SEMA3E: variants seen among roughly 807,000 people sequenced by gnomAD.
The protein encoded by SEMA3E is semaphorin-3E.
In SEMA3E, 49 loss-of-function variants were observed where a neutral mutation model predicts 93.6. The ratio of observed to expected loss-of-function variants is 0.52; its 90% CI spans 0.42 to 0.66. The LOEUF (loss-of-function observed/expected upper bound fraction) is 0.66. SEMA3E is among the 30% of genes least tolerant of loss of function. The probability of loss-of-function intolerance (pLI) is 0.00; values close to 1 mark genes in which losing one functional copy is unlikely to be tolerated. For missense variants in SEMA3E, 906 were observed against 964.8 expected, an observed-to-expected ratio of 0.94 and a Z score of 0.81; for synonymous variants, 363 against 330.7, an observed-to-expected ratio of 1.10 and a Z score of -1.06.
Position 83,368,055 on chromosome 7 carries a change from G to A in SEMA3E, c.1876-17C>T. Reference sequence around the variant, plus strand: ...TGTCTTCACCTGCAAAAACAAAAAAGTAAATGGCACTGAAGTACACAGGAG... The same window carrying A: ...TGTCTTCACCTGCAAAAACAAAAAAATAAATGGCACTGAAGTACACAGGAG... On this transcript the variant is annotated splice_polypyrimidine_tract_variant and intron_variant, in intron 16 of 16. Coordinates refer to ENST00000643230, the MANE Select transcript of SEMA3E (RefSeq NM_012431.3). 6.2e-7 allele frequency: 1 copy of A among 1,608,846 alleles called. No homozygotes were observed. The highest frequency in any genetic ancestry group is 8.5e-7 in the Non-Finnish European group (1 of 1,176,110).
intron 2 of SEMA3E, among the ~76,000 whole-genome samples, chr7:83,478,177 TCCCC>T (rs2115928638): frequency 6.6e-6 from 1 of 152,160 alleles, no homozygotes; most frequent in African/African-American, 2.4e-5. Context: ...CCCGCCTTGG[TCCCC>T]CAAAGTGGTG....
chr7:83,486,839 A>G (rs1023444538), intron 2 of SEMA3E, among the ~76,000 whole-genome samples: 1 of 152,072 alleles, frequency 6.6e-6, no homozygotes, highest in African/African-American at 2.4e-5. Context: ...GTTTGTGTTA[A>G]TTATATTAGT....
At chr7:83,537,681 A>G (rs1021420621) in intron 1 of SEMA3E, among the ~76,000 whole-genome samples, 39 of 152,152 alleles carry the variant, frequency 2.6e-4, no homozygotes, top group African/African-American at 8.9e-4. Flanking sequence ...TTTCTTTTTT[A>G]TAAACAGCTT....
intron 2 of SEMA3E, among the ~76,000 whole-genome samples, chr7:83,482,072 A>C (rs1416451585): frequency 6.6e-6 from 1 of 152,166 alleles, no homozygotes; most frequent in Non-Finnish European, 1.5e-5. Context: ...CACAATCCTT[A>C]GGTGTTTACT....
intron 1 of SEMA3E, among the ~76,000 whole-genome samples, chr7:83,618,883 T>G (rs1038014540): frequency 1.3e-5 from 2 of 151,864 alleles, no homozygotes; most frequent in African/African-American, 4.8e-5. Flanking sequence ...ATCTTATATT[T>G]TCATCACATA....
At chr7:83,455,829 C>G (rs1789467097) in intron 4 of SEMA3E, among the ~76,000 whole-genome samples, 1 of 152,214 alleles carries the variant, frequency 6.6e-6, no homozygotes. Flanking sequence ...TGGCTGATAG[C>G]CATCTAGAAA....
rs190426154 is a variant in SEMA3E, at chr7:83,647,920, G to A, written c.115+508C>T. ...CATGATGATGACAGTTATGGGTAGG[G>A]CATCATTTTTCTCCTCGGGATTTTT... On this transcript the variant is annotated intron_variant, in intron 1 of 16. Coordinates refer to ENST00000643230, the MANE Select transcript of SEMA3E (RefSeq NM_012431.3). Among the ~76,000 whole-genome samples, 6 of 152,172 alleles carry A rather than the reference G, an allele frequency of 3.9e-5. No homozygotes were observed. The South Asian group carries it at 1.2e-3, about 32-fold the overall frequency.
At chr7:83,570,358 C>T (rs1208496344) in intron 1 of SEMA3E, among the ~76,000 whole-genome samples, 1 of 150,546 alleles carries the variant, frequency 6.6e-6, no homozygotes, top group African/African-American at 2.4e-5. Flanking sequence ...TCGAGACCAT[C>T]CCGGCTAAAA....
intron 1 of SEMA3E, among the ~76,000 whole-genome samples, chr7:83,538,680 T>C (rs1375070040): frequency 6.6e-6 from 1 of 152,246 alleles, no homozygotes; most frequent in Non-Finnish European, 1.5e-5. Flanking sequence ...ATTTCATAAG[T>C]TTTTCCCTCT....
intron 5 of SEMA3E, among the ~76,000 whole-genome samples, chr7:83,411,522 T>A (rs182500476): frequency 3.6e-4 from 55 of 152,152 alleles, no homozygotes; most frequent in African/African-American, 1.3e-3. Context: ...AGCAAAATAC[T>A]TTCCTAAGAA....
rs189054323 is a variant in SEMA3E at position 83,378,613 on chromosome 7, A to G, written c.1875+6681T>C. 3.3e-5 allele frequency among the ~76,000 whole-genome samples: 5 copies of G among 151,968 alleles called. No homozygotes were observed. In the East Asian group the frequency reaches 9.6e-4, roughly 29 times the overall value. On this transcript the variant is annotated intron_variant, in intron 16 of 16. Coordinates refer to ENST00000643230, the MANE Select transcript of SEMA3E (RefSeq NM_012431.3). ...CGTGCCTTAACATCCCACTTCACACATTATCCCTGGAAACTTGGTCCTCGT... is the reference window on the plus strand; with the variant it reads ...CGTGCCTTAACATCCCACTTCACACGTTATCCCTGGAAACTTGGTCCTCGT...
At chr7:83,525,083 A>T (rs1030436550) in intron 1 of SEMA3E, among the ~76,000 whole-genome samples, 1 of 152,068 alleles carries the variant, frequency 6.6e-6, no homozygotes, top group Admixed American at 6.6e-5. Context: ...GAGAACTTGC[A>T]TGTCTGAACC....
intron 4 of SEMA3E, among the ~76,000 whole-genome samples, chr7:83,432,705 T>C (rs1324211911): frequency 4.6e-5 from 7 of 152,174 alleles, no homozygotes; most frequent in African/African-American, 1.7e-4. Context: ...TGAAGATTAA[T>C]TTAGGGGTGC....
At chr7:83,478,760 A>C (rs537146248) in intron 2 of SEMA3E, among the ~76,000 whole-genome samples, 5 of 152,286 alleles carry the variant, frequency 3.3e-5, no homozygotes, top group African/African-American at 9.6e-5. Context: ...AGAAAGAAAC[A>C]CCTCATAACA....
At chr7:83,535,661 G>C (rs1278262710) in intron 1 of SEMA3E, among the ~76,000 whole-genome samples, 2 of 151,998 alleles carry the variant, frequency 1.3e-5, no homozygotes, top group Non-Finnish European at 2.9e-5. Flanking sequence ...AATCTAAGAA[G>C]TATGGCCAAA....
chr7:83,594,810 CCAG>C (rs1179419706), intron 1 of SEMA3E, among the ~76,000 whole-genome samples: 1 of 151,980 alleles, frequency 6.6e-6, no homozygotes, highest in Admixed American at 6.6e-5. Flanking sequence ...AATTTGCTGG[CCAG>C]TGATTGCTTT....
At chr7:83,393,958 A>C (rs1226246300) in intron 13 of SEMA3E, among the ~76,000 whole-genome samples, 2 of 152,302 alleles carry the variant, frequency 1.3e-5, no homozygotes, top group African/African-American at 4.8e-5. Flanking sequence ...TAGAGATAGA[A>C]AATGAAAACA....
intron 1 of SEMA3E, among the ~76,000 whole-genome samples, chr7:83,630,644 G>A (rs1245008868): frequency 6.6e-6 from 1 of 152,116 alleles, no homozygotes; most frequent in African/African-American, 2.4e-5. Context: ...TACAAGAACT[G>A]TAATATGGAT....
At chr7:83,527,592 G>A (rs1028332673) in intron 1 of SEMA3E, among the ~76,000 whole-genome samples, 5 of 152,074 alleles carry the variant, frequency 3.3e-5, no homozygotes, top group East Asian at 1.9e-4. Context: ...TATATTCAAA[G>A]ATATTTATAC....
Sources: gnomAD v4.1 joint callset for allele counts (sites outside exome capture counted in the v4.1 genomes callset) on GRCh38, gnomAD v4.1.1 for gene constraint, MANE v1.5 for transcripts, NCBI Gene and HGNC (gene_info 2026-07-23, HGNC 2026-07-21) for gene names.